The following SH3RF2 variants were observed in gnomAD, a reference collection of about 807,000 sequenced individuals.
SH3RF2 encodes the protein SH3 domain containing ring finger 2.
In SH3RF2, 43 loss-of-function variants were observed where a neutral mutation model predicts 59.0. The observed-to-expected ratio is 0.73, with a 90% confidence interval of 0.57 to 0.94. The LOEUF (loss-of-function observed/expected upper bound fraction) is 0.94. Ranked by LOEUF, SH3RF2 falls within the 40% of genes least tolerant of loss-of-function variation. SH3RF2 has a pLI of 0.00. For synonymous variants in SH3RF2, 391 were observed against 391.5 expected, an observed-to-expected ratio of 1.00 and a Z score of 0.01; for missense variants, 930 against 940.1, an observed-to-expected ratio of 0.99 and a Z score of 0.14.
chr5:146,066,780 T>A (rs1354082292), downstream of SH3RF2, among the ~76,000 whole-genome samples: 1 of 152,156 alleles, frequency 6.6e-6, no homozygotes, highest in African/African-American at 2.4e-5. Flanking sequence ...ATTCCAGAGA[T>A]CCCAGGTAGA....
chr5:146,025,372 G>A (rs1166918507), intron 5 of SH3RF2, among the ~76,000 whole-genome samples: 1 of 152,176 alleles, frequency 6.6e-6, no homozygotes, highest in Non-Finnish European at 1.5e-5. Flanking sequence ...TTACATCCTT[G>A]CCACTGCCGT....
chr5:146,075,363 C>T (rs2150029729), intron 9 of SH3RF2, among the ~76,000 whole-genome samples: 1 of 152,268 alleles, frequency 6.6e-6, no homozygotes. Context: ...AAAATAAATA[C>T]TATTACTACC....
At position 145,942,336 on chromosome 5, in the gene SH3RF2, G is replaced by A. The variant is rs150249207; in HGVS notation, c.378+4030G>A. Among the ~76,000 whole-genome samples the A allele has an allele frequency of 4.3e-3, 660 of 152,264 alleles. 6 individuals are homozygous for A. Among genetic ancestry groups the A allele is most frequent in the African/African-American group, 0.015 (642 of 41,552 alleles). On this transcript the variant is annotated intron_variant, in intron 2 of 9. Coordinates refer to ENST00000359120, the MANE Select transcript of SH3RF2 (RefSeq NM_152550.4). Reference sequence around the variant, plus strand: ...GATGGACTTTCTCCCTACCTTGCTAGCATCATGCCAGTCACACACGTTTCT... The same window carrying A: ...GATGGACTTTCTCCCTACCTTGCTAACATCATGCCAGTCACACACGTTTCT...
At chr5:146,058,753 G>A (rs952811161) in intron 8 of SH3RF2, among the ~76,000 whole-genome samples, 1 of 151,828 alleles carries the variant, frequency 6.6e-6, no homozygotes, top group Non-Finnish European at 1.5e-5. Flanking sequence ...AGAATGCAAT[G>A]AACTCCTGAT....
At chr5:146,049,831 ATGTCATTGACCCCCTCTT>A (rs974121216) in intron 7 of SH3RF2, among the ~76,000 whole-genome samples, 6 of 152,024 alleles carry the variant, frequency 3.9e-5, no homozygotes, top group Admixed American at 1.3e-4. Context: ...CATACTGTTC[ATGTCATTGACCCCCTCTT>A]TGTCTTACCA....
At chr5:145,989,053 G>T (rs976198484) in intron 2 of SH3RF2, among the ~76,000 whole-genome samples, 12 of 152,158 alleles carry the variant, frequency 7.9e-5, no homozygotes, top group African/African-American at 2.7e-4. Context: ...TGAACCCACA[G>T]GGAAAGTTAC....
At chr5:145,939,070 C>T (rs1423310246) in intron 2 of SH3RF2, among the ~76,000 whole-genome samples, 1 of 152,226 alleles carries the variant, frequency 6.6e-6, no homozygotes, top group South Asian at 2.1e-4. Flanking sequence ...CTCTGTCCAG[C>T]GCTGAAAGCA....
intron 5 of SH3RF2, among the ~76,000 whole-genome samples, chr5:146,019,456 T>C (rs1761226906): frequency 6.6e-6 from 1 of 152,218 alleles, no homozygotes; most frequent in Non-Finnish European, 1.5e-5. Context: ...TCTATTCTAT[T>C]CCATTGGTCT....
intron 2 of SH3RF2, among the ~76,000 whole-genome samples, chr5:145,942,224 T>C (rs912861924): frequency 7.2e-5 from 11 of 152,224 alleles, no homozygotes; most frequent in Admixed American, 2.0e-4. Context: ...CTCCGCATCA[T>C]CAATTCTTTA....
intron 5 of SH3RF2, among the ~76,000 whole-genome samples, chr5:146,016,327 G>A (rs978079096): frequency 1.3e-5 from 2 of 151,912 alleles, no homozygotes; most frequent in African/African-American, 2.4e-5. Context: ...ATATGAGACG[G>A]ATGGATCTAT....
intron 7 of SH3RF2, chr5:146,050,068 C>T (rs1224231494): frequency 6.6e-6 from 1 of 152,094 alleles, no homozygotes; most frequent in Non-Finnish European, 1.5e-5. Flanking sequence ...AGTCATATGC[C>T]CACTTTTGGG....
At chr5:145,960,264 T>C (rs1758582535) in intron 2 of SH3RF2, among the ~76,000 whole-genome samples, 2 of 152,102 alleles carry the variant, frequency 1.3e-5, no homozygotes, top group African/African-American at 2.4e-5. Context: ...TACCTAAACT[T>C]ATAAGCTGGA....
intron 2 of SH3RF2, among the ~76,000 whole-genome samples, chr5:145,968,255 T>C (rs1475898152): frequency 4.6e-5 from 7 of 152,216 alleles, no homozygotes; most frequent in South Asian, 2.1e-4. Context: ...TGCTCAAACA[T>C]TGCAGTATTG....
At chr5:145,963,871 C>T (rs375705890) in intron 2 of SH3RF2, among the ~76,000 whole-genome samples, 3 of 147,146 alleles carry the variant, frequency 2.0e-5, no homozygotes, top group East Asian at 2.0e-4. Flanking sequence ...CTCGCTCTGT[C>T]GCCCAGGCTG....
chr5:146,067,261 C>T (rs1665883601), downstream of SH3RF2, among the ~76,000 whole-genome samples: 1 of 152,194 alleles, frequency 6.6e-6, no homozygotes, highest in South Asian at 2.1e-4. Context: ...CCGTCCACAC[C>T]AGGCCTGCCT....
At chr5:146,002,405 C>T (rs982078786) in intron 3 of SH3RF2, among the ~76,000 whole-genome samples, 15 of 151,162 alleles carry the variant, frequency 9.9e-5, no homozygotes, top group African/African-American at 2.2e-4. Context: ...GAGCCAAGTT[C>T]GCGCCATTGC....
intron 2 of SH3RF2, among the ~76,000 whole-genome samples, chr5:145,947,387 C>G (rs997706981): frequency 6.6e-6 from 1 of 152,140 alleles, no homozygotes; most frequent in Non-Finnish European, 1.5e-5. Context: ...CTTAGTGACT[C>G]TGATCATTGT....
In SH3RF2 at chr5:146,056,230, A is replaced by C. The variant is rs1216360371; in HGVS notation, c.1555+17A>C. On this transcript the variant is annotated intron_variant, in intron 8 of 9. Coordinates refer to ENST00000359120, the MANE Select transcript of SH3RF2 (RefSeq NM_152550.4). Reference sequence around the variant, plus strand: ...TGAGAAAGAGTAAGTGGTGGCAGAGAGGTACGTGCCTAGAGCTAAGTGATG... The same window carrying C: ...TGAGAAAGAGTAAGTGGTGGCAGAGCGGTACGTGCCTAGAGCTAAGTGATG... 6.2e-7 allele frequency: 1 copy of C among 1,614,100 alleles called. No individual in the cohort carries two copies. The highest frequency in any genetic ancestry group is 8.5e-7 in the Non-Finnish European group (1 of 1,180,030).
At chr5:145,967,952 G>A (rs149385895) in intron 2 of SH3RF2, among the ~76,000 whole-genome samples, 1 of 152,060 alleles carries the variant, frequency 6.6e-6, no homozygotes, top group Non-Finnish European at 1.5e-5. Flanking sequence ...GAGCCACCAC[G>A]CCCAGCCCTA....
Sources: allele counts gnomAD v4.1 joint callset (sites outside exome capture counted in the v4.1 genomes callset), GRCh38; gene constraint gnomAD v4.1.1; transcripts MANE v1.5; gene names NCBI Gene and HGNC (gene_info 2026-07-23, HGNC 2026-07-21).